Variants in TMEM50B observed in about 807,000 individuals in gnomAD.
The protein encoded by TMEM50B is transmembrane protein 50B, also known as HCV p7-trans-regulated protein 3.
In TMEM50B, 14 loss-of-function variants were observed where a neutral mutation model predicts 23.4. That is an observed-to-expected ratio of 0.60 (90% CI 0.39 to 0.93). The LOEUF (loss-of-function observed/expected upper bound fraction) is 0.93. Among genes scored for constraint, TMEM50B ranks in the 40% least tolerant of loss-of-function variants. The pLI is 0.00. For missense variants in TMEM50B, 159 were observed against 193.0 expected, an observed-to-expected ratio of 0.82 and a Z score of 1.04; for synonymous variants, 64 against 62.3, an observed-to-expected ratio of 1.03 and a Z score of -0.13.
At position 33,450,836 on chromosome 21, in the gene TMEM50B, G is replaced by A. The variant is rs774819302; in HGVS notation, c.459C>T (p.Thr153=). ...FSTLIYKFGR[T]EELWT ...AGTGATCTCAGGTCCATAGCTCTTC[G>A]GTTCTTCCAAATTTGTAGATCAGAG... Residue 153 remains threonine, a synonymous_variant, in exon 7 of 7, where the codon ACC becomes ACT. Coordinates refer to ENST00000542230, the MANE Select transcript of TMEM50B (RefSeq NM_006134.7). 37 of 1,612,682 alleles carry A rather than the reference G, an allele frequency of 2.3e-5. No homozygotes were observed. Among genetic ancestry groups the A allele is most frequent in the Middle Eastern group, 3.3e-4 (2 of 6,072 alleles).
intron 7 of TMEM50B, among the ~76,000 whole-genome samples, chr21:33,443,754 T>C (rs1293743959): frequency 6.6e-6 from 1 of 152,110 alleles, no homozygotes; most frequent in Non-Finnish European, 1.5e-5. Flanking sequence ...TGGGGGGAAA[T>C]ATACACAGGA....
intron 4 of TMEM50B, among the ~76,000 whole-genome samples, chr21:33,463,607 A>C (rs1328271652): frequency 6.6e-6 from 1 of 151,900 alleles, no homozygotes; most frequent in Non-Finnish European, 1.5e-5. Flanking sequence ...CAAATTGTAC[A>C]CTTTAAATTG....
intron 1 of TMEM50B, among the ~76,000 whole-genome samples, chr21:33,473,608 C>G (rs1351205207): frequency 1.4e-5 from 2 of 147,246 alleles, no homozygotes; most frequent in Non-Finnish European, 3.0e-5. Context: ...CCCAGAAGTT[C>G]GAGGTTACAG....
chr21:33,458,943 A>C (rs867252903), intron 5 of TMEM50B, among the ~76,000 whole-genome samples: 8 of 152,352 alleles, frequency 5.3e-5, no homozygotes, highest in Non-Finnish European at 1.0e-4. Context: ...AAGAAAAACA[A>C]AAGTATTCCA....
At chr21:33,450,938 G>T in intron 6 of TMEM50B, 75 bp from the exon 7 acceptor site, 3 of 1,233,536 alleles carry the variant, frequency 2.4e-6, no homozygotes, top group Non-Finnish European at 3.5e-6. Flanking sequence ...TTCTCAATAT[G>T]CTTTGACAGG....
In TMEM50B at chr21:33,450,563, G is replaced by C. The variant is rs111600747; in HGVS notation, c.*255C>G. ...AACCCTGGCTCAGGGAGTAGATCAA[G>C]TTCTAAATCTCAGGAATAAAAAACT... On this transcript the variant is annotated 3_prime_UTR_variant, in exon 7 of 7. Coordinates refer to ENST00000542230, the MANE Select transcript of TMEM50B (RefSeq NM_006134.7). The C allele has an allele frequency of 2.9e-6, 1 of 350,012 alleles. No homozygotes were observed. 21.7% of individuals were successfully genotyped at this position (350,012 alleles called of 1,614,324 possible).
chr21:33,462,779 C>T (rs1179409654), intron 4 of TMEM50B, among the ~76,000 whole-genome samples: 5 of 152,182 alleles, frequency 3.3e-5, no homozygotes, highest in Non-Finnish European at 7.3e-5. Context: ...TCTTCACTTG[C>T]TAATATATAT....
chr21:33,468,086 C>A (rs1482474841), intron 2 of TMEM50B, among the ~76,000 whole-genome samples: 1 of 101,742 alleles, frequency 9.8e-6, no homozygotes. Flanking sequence ...AAAAAAAGTG[C>A]GGACAGAGAG....
At chr21:33,439,839 AG>A (rs1293123539) in intron 7 of TMEM50B, among the ~76,000 whole-genome samples, 16 of 151,308 alleles carry the variant, frequency 1.1e-4, no homozygotes, top group African/African-American at 3.9e-4. Context: ...TGAGGTCAGG[AG>A]TTTGAGACAA....
intron 4 of TMEM50B, among the ~76,000 whole-genome samples, 172 bp from the exon 5 acceptor site, chr21:33,460,677 AC>A (rs201068471): frequency 2.0e-5 from 3 of 151,924 alleles, no homozygotes; most frequent in African/African-American, 7.3e-5. Flanking sequence ...TAAAAAAAAA[AC>A]ACTAAAAGAA....
chr21:33,467,422 G>A (rs2084274371), intron 2 of TMEM50B, among the ~76,000 whole-genome samples: 1 of 152,200 alleles, frequency 6.6e-6, no homozygotes, highest in African/African-American at 2.4e-5. Flanking sequence ...TCAGGAGTTT[G>A]AGACCAGTCT....
intron 8 of TMEM50B, among the ~76,000 whole-genome samples, chr21:33,433,664 C>T (rs2083913240): frequency 6.6e-6 from 1 of 152,082 alleles, no homozygotes; most frequent in Admixed American, 6.6e-5. Context: ...TGGGGCTGTA[C>T]AGAGTTCTGG....
chr21:33,432,778 G>A lies in TMEM50B; in HGVS notation c.*2145C>T. The A allele has an allele frequency of 6.2e-7, 1 of 1,614,054 alleles. No individual in the cohort carries two copies. The highest frequency in any genetic ancestry group is 8.5e-7 in the Non-Finnish European group (1 of 1,179,956). Reference sequence around the variant, plus strand: ...GAACATTTTCGTTGCTGTCGGTGCTGGCAGGAGCCTGTTTCTTCCTGGTCC... The same window carrying A: ...GAACATTTTCGTTGCTGTCGGTGCTAGCAGGAGCCTGTTTCTTCCTGGTCC... On this transcript the variant is annotated 3_prime_UTR_variant and NMD_transcript_variant, in exon 9 of 9. Coordinates refer to the TMEM50B transcript ENST00000420455.
At chr21:33,473,619 T>C (rs2084339063) in intron 1 of TMEM50B, among the ~76,000 whole-genome samples, 1 of 146,014 alleles carries the variant, frequency 6.8e-6, no homozygotes, top group Non-Finnish European at 1.5e-5. Context: ...GAGGTTACAG[T>C]GAGCTATGAC....
At chr21:33,447,116 C>G (rs1394399436), downstream of TMEM50B, 1 of 145,954 alleles carries the variant, frequency 6.9e-6, no homozygotes, top group Non-Finnish European at 1.5e-5. Context: ...ACACTCCAGC[C>G]TGGGTGACAA....
Position 33,468,856 on chromosome 21 carries a change from C to T in TMEM50B, c.30G>A (p.Trp10Ter), listed in dbSNP as rs2084287911. The change falls in exon 2 of 7, where the codon TGG becomes TGA. Residue 10 changes from tryptophan to a stop codon, truncating the protein, a stop_gained. Coordinates refer to ENST00000542230, the MANE Select transcript of TMEM50B (RefSeq NM_006134.7). LOFTEE classifies it high-confidence loss of function. ...TCCAGTCAATACATTCACATTCTGG[C>T]CAACGAAAATTATCTAGGAAGCCTG... MAGFLDNFR[W>*]PECECIDWSE... 1 of 1,613,562 alleles carries T rather than the reference C, an allele frequency of 6.2e-7. No homozygotes were observed. Among genetic ancestry groups the T allele is most frequent in the Non-Finnish European group, 8.5e-7 (1 of 1,179,926 alleles).
In TMEM50B at chr21:33,465,383, A is replaced by C. The variant is rs771849762; in HGVS notation, c.239T>G (p.Val80Gly). 6.2e-7 allele frequency: 1 copy of C among 1,613,098 alleles called. No homozygotes were observed. Among genetic ancestry groups the C allele is most frequent in the Non-Finnish European group, 8.5e-7 (1 of 1,179,770 alleles). The stretch of plus-strand genomic sequence containing the variant: ...GCCGCTTTCATAGCTATCACCTCTC[A>C]CCTGAGCATTGGATACAGCATTTAT... ...FMINAVSNAQVRGDSYESGCL... is the reference protein window; with the variant it reads ...FMINAVSNAQGRGDSYESGCL... The change falls in exon 4 of 7, where the codon GTG becomes GGG. Residue 80 changes from valine to glycine, a missense_variant. By Grantham distance (109) the Val-to-Gly change is moderately radical. Transcript: ENST00000542230.
chr21:33,461,765 A>G (rs985092585), intron 4 of TMEM50B, among the ~76,000 whole-genome samples: 8 of 151,996 alleles, frequency 5.3e-5, no homozygotes, highest in African/African-American at 1.9e-4. Context: ...AGATCATGCC[A>G]CTACACTCTA....
At chr21:33,475,150 G>A (rs181783410) in intron 1 of TMEM50B, among the ~76,000 whole-genome samples, 203 of 151,046 alleles carry the variant, frequency 1.3e-3, no homozygotes, top group African/African-American at 4.9e-3. Flanking sequence ...GGTCTCCAAC[G>A]CCCAGTCTTC....
Sources: allele counts gnomAD v4.1 joint callset (sites outside exome capture counted in the v4.1 genomes callset), GRCh38; gene constraint gnomAD v4.1.1; transcripts MANE v1.5; gene names NCBI Gene and HGNC (gene_info 2026-07-23, HGNC 2026-07-21).